Variants in CLGN observed in about 807,000 individuals in gnomAD.
CLGN encodes calmegin.
CLGN carries 62 observed loss-of-function variants against 79.1 expected under a neutral mutation model. That is an observed-to-expected ratio of 0.78 (90% CI 0.64 to 0.97). CLGN has a LOEUF of 0.97. Ranked by LOEUF, CLGN falls within the 50% of genes least tolerant of loss-of-function variation. CLGN has a pLI of 0.00. For missense variants in CLGN, 647 were observed against 715.5 expected, an observed-to-expected ratio of 0.90 and a Z score of 1.09; for synonymous variants, 225 against 224.7, an observed-to-expected ratio of 1.00 and a Z score of -0.01.
intron 1 of CLGN, among the ~76,000 whole-genome samples, chr4:140,425,645 T>TTTTTTTTTTTTTTTTTTTTTTTTTTTC (rs1560750754): frequency 7.1e-6 from 1 of 140,302 alleles, no homozygotes; most frequent in Non-Finnish European, 1.5e-5. Flanking sequence ...TTTTTTTTTT[T>TTTTTTTTTTTTTTTTTTTTTTTTTTTC]TGAGATGGAG....
intron 1 of CLGN, among the ~76,000 whole-genome samples, chr4:140,419,002 A>C (rs1343486666): frequency 1.3e-5 from 2 of 152,256 alleles, no homozygotes; most frequent in Admixed American, 1.3e-4. Flanking sequence ...GCACATATAC[A>C]CCATGGAATA....
At chr4:140,399,088 T>A (rs1297620712) in intron 7 of CLGN, 48 bp from the exon 8 acceptor site, 2 of 1,464,780 alleles carry the variant, frequency 1.4e-6, no homozygotes, top group Non-Finnish European at 1.9e-6. Context: ...TGATATACGC[T>A]TTAAAGATAA....
At chr4:140,411,621 T>C (rs1729212514) in intron 2 of CLGN, among the ~76,000 whole-genome samples, 1 of 152,042 alleles carries the variant, frequency 6.6e-6, no homozygotes, top group Admixed American at 6.5e-5. Flanking sequence ...TTTTCTATTT[T>C]CACTGTCCCT....
intron 1 of CLGN, among the ~76,000 whole-genome samples, chr4:140,414,164 A>G (rs1729275057): frequency 6.6e-6 from 1 of 152,248 alleles, no homozygotes; most frequent in African/African-American, 2.4e-5. Flanking sequence ...GAAAACTAAC[A>G]AACAGAAAGG....
rs111394934 is a variant in CLGN at position 140,399,981 on chromosome 4, G to A, written c.694+376C>T. Among the ~76,000 whole-genome samples the A allele has an allele frequency of 5.3e-3, 800 of 152,020 alleles. 9 individuals carry two copies. Among genetic ancestry groups the A allele is most frequent in the African/African-American group, 0.017 (715 of 41,446 alleles). Reference sequence around the variant, plus strand: ...TTTTATTTTTTAGTTTTCTGTTCTGGCCTCTTCCTTTTTATTTTCTAGTTT... The same window carrying A: ...TTTTATTTTTTAGTTTTCTGTTCTGACCTCTTCCTTTTTATTTTCTAGTTT... On this transcript the variant is annotated intron_variant, in intron 7 of 14. Transcript: ENST00000325617.
chr4:140,389,740 T>TA (rs1339937163), intron 14 of CLGN, among the ~76,000 whole-genome samples: 1 of 151,766 alleles, frequency 6.6e-6, no homozygotes, highest in Non-Finnish European at 1.5e-5. Flanking sequence ...AAAGTCCCTA[T>TA]AAAAACTCAG....
At chr4:140,420,670 CT>C (rs1223302822) in intron 1 of CLGN, among the ~76,000 whole-genome samples, 1 of 152,166 alleles carries the variant, frequency 6.6e-6, no homozygotes, top group East Asian at 1.9e-4. Context: ...AGTTCACAGT[CT>C]TGAAATCTGT....
At chr4:140,390,054 C>T (rs968670525) in intron 14 of CLGN, among the ~76,000 whole-genome samples, 9 of 151,304 alleles carry the variant, frequency 5.9e-5, no homozygotes, top group East Asian at 5.8e-4. Flanking sequence ...TAATTATACT[C>T]GGGATTTCTC....
chr4:140,405,985 A>G lies in CLGN; in HGVS notation c.376T>C (p.Leu126=). 6.2e-7 allele frequency: 1 copy of G among 1,613,478 alleles called. No individual in the cohort carries two copies. Among genetic ancestry groups the G allele is most frequent in the Non-Finnish European group, 8.5e-7 (1 of 1,179,720 alleles). ...RAKHHAISAV[L]AKPFIFADKP... Reference sequence around the variant, plus strand: ...TCAGCAAAAATGAATGGTTTTGCTAATACAGCAGATATTGCATGATGCTTT... The same window carrying G: ...TCAGCAAAAATGAATGGTTTTGCTAGTACAGCAGATATTGCATGATGCTTT... The change falls in exon 5 of 15, where the codon TTA becomes CTA. Residue 126 remains leucine, a synonymous_variant. Coordinates refer to ENST00000325617, the MANE Select transcript of CLGN (RefSeq NM_004362.3).
In CLGN at chr4:140,396,065, C is replaced by T. The variant is rs374106287; in HGVS notation, c.998+27G>A. 2.7e-5 allele frequency: 44 copies of T among 1,610,038 alleles called. No individual in the cohort carries two copies. In the African/African-American group the frequency reaches 4.4e-4, roughly 16 times the overall value. ...AATGCATGTAAGAAACATTTGAAAT[C>T]GACATTTGAAGATGAAGAGTGCTTA... On this transcript the variant is annotated intron_variant, in intron 9 of 14. Coordinates refer to ENST00000325617, the MANE Select transcript of CLGN (RefSeq NM_004362.3).
Position 140,389,739 on chromosome 4 carries a change from A to G in CLGN, c.1753-435T>C, listed in dbSNP as rs147554204. The stretch of plus-strand genomic sequence containing the variant: ...ACTAAATAATGGTCCCAAAGTCCCT[A>G]TAAAAACTCAGAGGGCAGGAAGACC... On this transcript the variant is annotated intron_variant, in intron 14 of 14. Coordinates refer to ENST00000325617, the MANE Select transcript of CLGN (RefSeq NM_004362.3). Among the ~76,000 whole-genome samples, 559 of 151,958 alleles carry G rather than the reference A, an allele frequency of 3.7e-3. 2 individuals are homozygous for G. The highest frequency in any genetic ancestry group is 0.012 in the South Asian group (59 of 4,834).
At chr4:140,413,548 C>G (rs571336251) in intron 1 of CLGN, among the ~76,000 whole-genome samples, 14 of 152,264 alleles carry the variant, frequency 9.2e-5, no homozygotes, top group African/African-American at 3.4e-4. Flanking sequence ...ACTCGGGAAG[C>G]ACAAGGGGTC....
intron 1 of CLGN, among the ~76,000 whole-genome samples, chr4:140,426,029 G>A (rs936526879): frequency 1.3e-5 from 2 of 152,152 alleles, no homozygotes; most frequent in African/African-American, 4.8e-5. Flanking sequence ...ATGGCTGACT[G>A]AGGATCCGAC....
chr4:140,410,561 C>A lies in CLGN; in HGVS notation c.210G>T (p.Arg70Ser). The A allele has an allele frequency of 6.3e-7, 1 of 1,598,704 alleles. No homozygotes were observed. The highest frequency in any genetic ancestry group is 8.6e-7 in the Non-Finnish European group (1 of 1,166,536). Reference sequence around the variant, plus strand: ...CTTGAATGAATACTCACCCAGCCAACCTTCCACTATCAAAAGTTTCTGCAA... The same window carrying A: ...CTTGAATGAATACTCACCCAGCCAAACTTCCACTATCAAAAGTTTCTGCAA... ...VYFAETFDSG[R>S]LAGWVLSKAK... The change falls in exon 3 of 15, where the codon AGG becomes AGT. Residue 70 changes from arginine to serine, a missense_variant. By Grantham distance (110) the Arg-to-Ser change is moderately radical. Transcript: ENST00000325617.
In CLGN at chr4:140,392,270, T is replaced by C. The variant is rs1273860015; in HGVS notation, c.1600A>G (p.Met534Val). The change falls in exon 13 of 15, where the codon ATG becomes GTG. Residue 534 changes from methionine (M) to valine (V), a missense_variant. Coordinates refer to ENST00000325617, the MANE Select transcript of CLGN (RefSeq NM_004362.3). ...KEEKAALEKP[M>V]DLEEEKKQND... The stretch of plus-strand genomic sequence containing the variant: ...TGCTTTTTTTCCTCTTCCAGGTCCA[T>C]TGGTTTTTCCAGGGCTGCTTTCTCT... The C allele has an allele frequency of 6.2e-7, 1 of 1,613,412 alleles. No homozygotes were observed. The highest frequency in any genetic ancestry group is 1.3e-5 in the African/African-American group (1 of 74,888).
At chr4:140,404,220 A>G (rs1218082833) in intron 5 of CLGN, among the ~76,000 whole-genome samples, 2 of 151,830 alleles carry the variant, frequency 1.3e-5, no homozygotes, top group South Asian at 2.1e-4. Flanking sequence ...CAGCCTCCCG[A>G]GTAGCTGGGG....
intron 14 of CLGN, among the ~76,000 whole-genome samples, chr4:140,390,111 T>G (rs1350744124): frequency 6.6e-6 from 1 of 151,800 alleles, no homozygotes; most frequent in Non-Finnish European, 1.5e-5. Context: ...AAGTTCCATT[T>G]TATATCAGGA....
At chr4:140,414,387 T>C (rs7437786) in intron 1 of CLGN, among the ~76,000 whole-genome samples, 146,539 of 147,612 alleles carry the variant, frequency 0.99, 72,747 homozygotes, top group Middle Eastern at 1. Flanking sequence ...AGGCTTCAGA[T>C]GATCAAATTA....
At chr4:140,420,866 G>A (rs538206570) in intron 1 of CLGN, among the ~76,000 whole-genome samples, 2 of 152,214 alleles carry the variant, frequency 1.3e-5, no homozygotes, top group South Asian at 2.1e-4. Flanking sequence ...TTTAAATCAC[G>A]TGGTAAAACA....
Sources: gnomAD v4.1 joint callset for allele counts (sites outside exome capture counted in the v4.1 genomes callset) on GRCh38, gnomAD v4.1.1 for gene constraint, MANE v1.5 for transcripts, NCBI Gene and HGNC (gene_info 2026-07-23, HGNC 2026-07-21) for gene names.